The following CDC42BPA variants were observed in gnomAD, a reference collection of about 807,000 sequenced individuals.
The protein encoded by CDC42BPA is serine/threonine-protein kinase MRCK alpha.
Under a neutral mutation model 223.5 loss-of-function variants are expected in CDC42BPA, and 80 were observed. The observed-to-expected ratio is 0.36, with a 90% confidence interval of 0.30 to 0.43. CDC42BPA has a LOEUF of 0.43. Among genes scored for constraint, CDC42BPA ranks in the 20% least tolerant of loss-of-function variants. CDC42BPA has a pLI of 1.00. For missense variants in CDC42BPA, 1,743 were observed against 2,099.9 expected, an observed-to-expected ratio of 0.83 and a Z score of 3.32; for synonymous variants, 694 against 718.6, an observed-to-expected ratio of 0.97 and a Z score of 0.55.
At chr1:227,119,008 T>C (rs1219039940) in intron 12 of CDC42BPA, among the ~76,000 whole-genome samples, 1 of 152,124 alleles carries the variant, frequency 6.6e-6, no homozygotes. Context: ...ATCTCCTTCC[T>C]GGCACCAAGA....
intron 35 of CDC42BPA, among the ~76,000 whole-genome samples, chr1:226,998,042 C>T (rs921692263): frequency 6.6e-6 from 1 of 152,108 alleles, no homozygotes; most frequent in African/African-American, 2.4e-5. Flanking sequence ...ACTCCCATTA[C>T]AATTGCTACA....
At chr1:226,997,321 T>C (rs966872222) in intron 35 of CDC42BPA, among the ~76,000 whole-genome samples, 19 of 152,316 alleles carry the variant, frequency 1.2e-4, no homozygotes, top group African/African-American at 3.8e-4. Context: ...ATCATTTTTT[T>C]ATTATGTCTA....
intron 21 of CDC42BPA, among the ~76,000 whole-genome samples, chr1:227,061,608 GGTCA>G (rs1675937037): frequency 6.6e-6 from 1 of 152,122 alleles, no homozygotes; most frequent in South Asian, 2.1e-4. Flanking sequence ...CTGATACTCA[GGTCA>G]GTATTTCTGG....
intron 1 of CDC42BPA, among the ~76,000 whole-genome samples, chr1:227,287,592 A>G (rs1689015306): frequency 1.3e-5 from 2 of 152,232 alleles, no homozygotes; most frequent in South Asian, 4.1e-4. Context: ...ATTACTTAAT[A>G]CCTTGTTGAA....
intron 16 of CDC42BPA, among the ~76,000 whole-genome samples, chr1:227,082,029 G>A (rs1229416109): frequency 6.6e-6 from 1 of 151,860 alleles, no homozygotes; most frequent in Admixed American, 6.6e-5. Context: ...CTTAATGGCT[G>A]GATATATGTT....
chr1:227,286,874 T>C (rs1688893439), intron 1 of CDC42BPA, among the ~76,000 whole-genome samples: 1 of 152,142 alleles, frequency 6.6e-6, no homozygotes, highest in Non-Finnish European at 1.5e-5. Context: ...GAAAAGAAGC[T>C]GGCATGTCAC....
At chr1:227,194,795 C>T (rs1177917076) in intron 4 of CDC42BPA, among the ~76,000 whole-genome samples, 1 of 152,064 alleles carries the variant, frequency 6.6e-6, no homozygotes, top group Admixed American at 6.6e-5. Flanking sequence ...GTCAGAGAAA[C>T]CTGTATTCAA....
intron 1 of CDC42BPA, among the ~76,000 whole-genome samples, chr1:227,287,153 A>G (rs987843836): frequency 4.6e-5 from 7 of 152,240 alleles, no homozygotes; most frequent in Non-Finnish European, 8.8e-5. Context: ...CACATTTTAC[A>G]TGAACACACA....
chr1:227,030,594 A>C (rs1669102536), intron 28 of CDC42BPA, 124 bp from the exon 29 acceptor site: 3 of 578,914 alleles, frequency 5.2e-6, no homozygotes, highest in Non-Finnish European at 9.1e-6. Context: ...AACAGTTTAC[A>C]CTATTTCCTT....
intron 1 of CDC42BPA, among the ~76,000 whole-genome samples, chr1:227,292,506 AT>A (rs1689870865): frequency 6.6e-6 from 1 of 152,206 alleles, no homozygotes. Context: ...TTTTAAAAAT[AT>A]TTTATTAACA....
intron 15 of CDC42BPA, among the ~76,000 whole-genome samples, chr1:227,092,360 T>C (rs1683230716): frequency 1.3e-5 from 2 of 152,328 alleles, no homozygotes; most frequent in South Asian, 2.1e-4. Flanking sequence ...TTCTAAATTG[T>C]ATATATATGG....
rs1674939166 is a variant in CDC42BPA, at chr1:227,216,818, GAT to G, written c.271-3601_271-3600del. Among the ~76,000 whole-genome samples, 7 of 152,194 alleles carry G rather than the reference GAT, an allele frequency of 4.6e-5. No individual in the cohort carries two copies. The South Asian group carries it at 1.2e-3, about 27-fold the overall frequency. On this transcript the variant is annotated intron_variant, in intron 2 of 36. Transcript: ENST00000366766. ...AGACTATAGTTTAACACAGAACAAA[GAT>G]ATATTTTTAAAAACACTAGCAATGT...
At chr1:227,022,871 T>C (rs1490675548) in intron 32 of CDC42BPA, among the ~76,000 whole-genome samples, 1 of 152,240 alleles carries the variant, frequency 6.6e-6, no homozygotes, top group Non-Finnish European at 1.5e-5. Context: ...CCCTGTACAC[T>C]GGCAGAAGAT....
intron 14 of CDC42BPA, among the ~76,000 whole-genome samples, chr1:227,106,447 T>G (rs769875526): frequency 1.3e-5 from 2 of 152,192 alleles, no homozygotes; most frequent in African/African-American, 4.8e-5. Flanking sequence ...TTAATTTTGA[T>G]AAAGCCCAAT....
At chr1:227,023,912 A>AT (rs1232900469) in intron 31 of CDC42BPA, among the ~76,000 whole-genome samples, 4 of 152,228 alleles carry the variant, frequency 2.6e-5, no homozygotes, top group Non-Finnish European at 5.9e-5. Flanking sequence ...TTGGAGGAGA[A>AT]TAGAATGTAT....
At chr1:227,303,351 A>C (rs1691995750) in intron 1 of CDC42BPA, among the ~76,000 whole-genome samples, 1 of 152,210 alleles carries the variant, frequency 6.6e-6, no homozygotes, top group African/African-American at 2.4e-5. Context: ...CCCAGTTGCC[A>C]GCATTCTGGG....
chr1:227,287,182 C>T (rs1688944864), intron 1 of CDC42BPA, among the ~76,000 whole-genome samples: 1 of 152,200 alleles, frequency 6.6e-6, no homozygotes, highest in African/African-American at 2.4e-5. Context: ...AATCTCAATA[C>T]TCTCTCCTAG....
rs1660771653 is a variant in CDC42BPA at position 226,991,812 on chromosome 1, TAAGCAAC to T, written c.*2449_*2455del. On this transcript the variant is annotated 3_prime_UTR_variant, in exon 37 of 37. Transcript: ENST00000366766. ...GCATCCTTTGCAAAATAAGCACCTA[TAAGCAAC>T]AAAAATTCATAATTACTTGTCAAAG... 7.4e-6 allele frequency: 1 copy of T among 135,550 alleles called. No homozygotes were observed. The highest frequency in any genetic ancestry group is 7.3e-5 in the Admixed American group (1 of 13,696). 8.4% of individuals were successfully genotyped at this position (135,550 alleles called of 1,614,324 possible).
intron 24 of CDC42BPA, among the ~76,000 whole-genome samples, chr1:227,036,452 G>A (rs189582309): frequency 0.012 from 1,702 of 138,516 alleles, 15 homozygotes; most frequent in Non-Finnish European, 0.016. Context: ...TTTTTGAGAC[G>A]GAGTCTCGCT....
Sources: gnomAD v4.1 joint callset for allele counts (sites outside exome capture counted in the v4.1 genomes callset) on GRCh38, gnomAD v4.1.1 for gene constraint, MANE v1.5 for transcripts, NCBI Gene and HGNC (gene_info 2026-07-23, HGNC 2026-07-21) for gene names.